DCAF5: variants seen among roughly 807,000 people sequenced by gnomAD.
The protein encoded by DCAF5 is DDB1 and CUL4 associated factor 5.
A neutral mutation model predicts 80.7 loss-of-function variants in DCAF5; 9 were observed. The ratio of observed to expected loss-of-function variants is 0.11; its 90% CI spans 0.07 to 0.19. The LOEUF is 0.19. DCAF5 is among the 10% of genes least tolerant of loss of function. The probability of loss-of-function intolerance (pLI) is 1.00; values close to 1 mark genes in which losing one functional copy is unlikely to be tolerated. For missense variants in DCAF5, 842 were observed against 1,205.7 expected (o/e 0.70, Z 4.47); for synonymous variants, 433 against 461.9 (o/e 0.94, Z 0.80).
In DCAF5 at chr14:69,054,854, C is replaced by G. The variant is rs750926448; in HGVS notation, c.1832G>C (p.Gly611Ala). 1 of 1,614,128 alleles carries G rather than the reference C, an allele frequency of 6.2e-7. No individual in the cohort carries two copies. The highest frequency in any genetic ancestry group is 1.1e-5 in the South Asian group (1 of 91,068). ...APIKPTNTYI[G>A]EDNYDYPQIK... The stretch of plus-strand genomic sequence containing the variant: ...CTGGGGGTAATCATAGTTGTCTTCT[C>G]CAATGTAAGTGTTGGTGGGCTTGAT... The change falls in exon 9 of 9, where the codon GGA becomes GCA. Residue 611 changes from glycine to alanine, a missense_variant. By Grantham distance (60) the Gly-to-Ala change is moderately conservative. Around this residue, in one of 5 missense-constraint regions of DCAF5, gnomAD observed 607 missense variants for 656.6 expected, o/e 0.92. Coordinates refer to ENST00000341516, the MANE Select transcript of DCAF5 (RefSeq NM_003861.3).
intron 1 of DCAF5, among the ~76,000 whole-genome samples, chr14:69,134,160 C>A (rs578167475): frequency 6.6e-6 from 1 of 152,126 alleles, no homozygotes; most frequent in African/African-American, 2.4e-5. Flanking sequence ...GAGCACACTG[C>A]CAGTTACAGG....
At chr14:69,149,020 A>T (rs1160451826) in intron 1 of DCAF5, among the ~76,000 whole-genome samples, 1 of 152,236 alleles carries the variant, frequency 6.6e-6, no homozygotes, top group African/African-American at 2.4e-5. Flanking sequence ...GTAATAACAA[A>T]TGTCTGTTAT....
chr14:69,133,509 G>A (rs1018110437), intron 1 of DCAF5, among the ~76,000 whole-genome samples: 2 of 152,172 alleles, frequency 1.3e-5, no homozygotes, highest in African/African-American at 2.4e-5. Context: ...TAAAACTGCT[G>A]TTCAGTGGCA....
chr14:69,133,476 G>A (rs888346309), intron 1 of DCAF5, among the ~76,000 whole-genome samples: 7 of 152,168 alleles, frequency 4.6e-5, no homozygotes, highest in Non-Finnish European at 8.8e-5. Context: ...ATAAGTTAAG[G>A]TTGAGTGATT....
intron 6 of DCAF5, among the ~76,000 whole-genome samples, chr14:69,085,573 A>T (rs976246586): frequency 6.6e-6 from 1 of 152,222 alleles, no homozygotes; most frequent in African/African-American, 2.4e-5. Context: ...GGGATATAAA[A>T]CAGGCTTTAA....
chr14:69,118,792 G>A lies in DCAF5; in HGVS notation c.395+402C>T, dbSNP rs1187654148. On this transcript the variant is annotated intron_variant, in intron 3 of 8. Transcript: ENST00000341516. The surrounding 1 kb of genome is among the most constrained non-coding windows in gnomAD (Gnocchi z 4.0). ...GTGACTCCGTTTCCTGATCTAGAACGGAGATGACAATAGTATCTCCTCAGA... is the reference window on the plus strand; with the variant it reads ...GTGACTCCGTTTCCTGATCTAGAACAGAGATGACAATAGTATCTCCTCAGA... 6.6e-6 allele frequency among the ~76,000 whole-genome samples: 1 copy of A among 152,126 alleles called. No individual in the cohort carries two copies. Among genetic ancestry groups the A allele is most frequent in the Non-Finnish European group, 1.5e-5 (1 of 68,024 alleles).
chr14:69,140,160 G>A (rs1385377106), intron 1 of DCAF5, among the ~76,000 whole-genome samples: 1 of 152,080 alleles, frequency 6.6e-6, no homozygotes, highest in South Asian at 2.1e-4. Flanking sequence ...TCAGCTACTT[G>A]GGAAGCTGAG....
chr14:69,084,834 C>T, intron 6 of DCAF5: 1 of 1,082,910 alleles, frequency 9.2e-7, no homozygotes. Flanking sequence ...GATGTGGCAG[C>T]AAGAGAACTG....
rs529729141 is a variant in DCAF5 at position 69,102,542 on chromosome 14, CT to C, written c.666-10656del. ...CACTTTCCTTCTTTATATCCTTATT[CT>C]TTTTTTTTTTTTTTACTTTTTAAAC... On this transcript the variant is annotated intron_variant, in intron 5 of 8. Transcript: ENST00000341516. Among the ~76,000 whole-genome samples, 1,106 of 129,592 alleles carry C rather than the reference CT, an allele frequency of 8.5e-3. 5 individuals carry two copies. Among genetic ancestry groups the C allele is most frequent in the Admixed American group, 0.013 (162 of 12,532 alleles). The allele number at this position is 129,592 out of a possible 152,430, so 85.0% of individuals were successfully genotyped here.
intron 1 of DCAF5, among the ~76,000 whole-genome samples, chr14:69,134,143 T>G (rs2041123042): frequency 6.6e-6 from 1 of 152,136 alleles, no homozygotes; most frequent in Non-Finnish European, 1.5e-5. Context: ...CTGAGGCACC[T>G]GTCCAAGAGC....
At chr14:69,102,025 A>G (rs9323522) in intron 5 of DCAF5, among the ~76,000 whole-genome samples, 57,206 of 151,882 alleles carry the variant, frequency 0.38, 11,991 homozygotes, top group East Asian at 0.91. Context: ...ACCATAGACT[A>G]TATAAATATT....
At chr14:69,094,431 C>T (rs2039632276) in intron 5 of DCAF5, among the ~76,000 whole-genome samples, 1 of 152,164 alleles carries the variant, frequency 6.6e-6, no homozygotes, top group Non-Finnish European at 1.5e-5. Flanking sequence ...TGCTTCTGGG[C>T]AGGGAACTCT....
intron 1 of DCAF5, among the ~76,000 whole-genome samples, chr14:69,126,835 G>C (rs1414968067): frequency 2.0e-5 from 3 of 152,080 alleles, no homozygotes; most frequent in Non-Finnish European, 4.4e-5. Context: ...AAATGGTGCT[G>C]AAACATCTAA....
At position 69,083,851 on chromosome 14, in the gene DCAF5, G is replaced by A. The variant is rs1472211324; in HGVS notation, c.879+7823C>T. The A allele has an allele frequency of 1.7e-5, 13 of 745,782 alleles. No individual in the cohort carries two copies. The East Asian group carries it at 2.9e-4, about 17-fold the overall frequency. The allele number at this position is 745,782 out of a possible 1,614,324, so 46.2% of individuals were successfully genotyped here. ...AAATAATGTTGAGAAGCCAGATGAT[G>A]AAGATGACAGTGAGATGCCCAGCCT... is the stretch of plus-strand genomic sequence containing the variant. On this transcript the variant is annotated intron_variant, in intron 6 of 8. Coordinates refer to ENST00000341516, the MANE Select transcript of DCAF5 (RefSeq NM_003861.3).
chr14:69,093,316 G>A (rs1192834620), intron 5 of DCAF5, among the ~76,000 whole-genome samples: 3 of 152,178 alleles, frequency 2.0e-5, no homozygotes, highest in Non-Finnish European at 4.4e-5. Flanking sequence ...TATTGTCATG[G>A]ATAGGTAGTG....
At chr14:69,084,300 C>T in intron 6 of DCAF5, 2 of 952,190 alleles carry the variant, frequency 2.1e-6, no homozygotes, top group East Asian at 4.8e-5. Flanking sequence ...ACTGTGGTCA[C>T]ACCAGGCTGT....
chr14:69,125,181 A>G (rs1052994580), intron 1 of DCAF5, among the ~76,000 whole-genome samples: 6 of 152,350 alleles, frequency 3.9e-5, no homozygotes, highest in Non-Finnish European at 7.3e-5. Context: ...TGAACAAAAA[A>G]TGAACCATAA....
chr14:69,054,684 G>A lies in DCAF5; in HGVS notation c.2002C>T (p.Arg668Cys), dbSNP rs367661585. Residue 668 changes from arginine to cysteine, a missense_variant, in exon 9 of 9, where the codon CGC becomes TGC. Physicochemically the swap from Arg to Cys is radical, Grantham distance 180. This residue lies in a region of DCAF5 where 607 missense variants were observed against 656.6 expected (regional missense o/e 0.92). Transcript: ENST00000341516. ...TTTGAGTAGGAGATATAAGAGTAGC[G>A]GAGCCACTTGTAAGCTTTATAAATT... ...RKIYKAYKWL[R>C]YSYISYSNNK... 5.6e-6 allele frequency: 9 copies of A among 1,614,094 alleles called. No homozygotes were observed. The highest frequency in any genetic ancestry group is 2.7e-5 in the African/African-American group (2 of 74,926).
At chr14:69,096,230 G>A (rs1313784850) in intron 5 of DCAF5, among the ~76,000 whole-genome samples, 1 of 152,132 alleles carries the variant, frequency 6.6e-6, no homozygotes, top group African/African-American at 2.4e-5. Flanking sequence ...TGAAGAACCT[G>A]GGCTTTCTCT....
Sources: gnomAD v4.1 joint callset for allele counts (sites outside exome capture counted in the v4.1 genomes callset) on GRCh38, gnomAD v4.1.1 for gene constraint, gnomAD v4.1.1 regional missense constraint, Gnocchi (gnomAD v3.1) non-coding constraint, MANE v1.5 for transcripts, NCBI Gene and HGNC (gene_info 2026-07-23, HGNC 2026-07-21) for gene names.